Variants in RTL4 observed in about 807,000 individuals in gnomAD.
The protein encoded by RTL4 is retrotransposon Gag-like protein 4.
A neutral mutation model predicts 5.3 loss-of-function variants in RTL4; 4 were observed. The ratio of observed to expected loss-of-function variants is 0.75; its 90% CI spans 0.37 to 1.72. The LOEUF (loss-of-function observed/expected upper bound fraction) is 1.72, where lower values mean the gene tolerates loss of function less well. Ranked by LOEUF, RTL4 falls within the 40% of genes most tolerant of loss-of-function variation. The pLI is 0.04. For missense variants in RTL4, 260 were observed against 227.1 expected, an observed-to-expected ratio of 1.14 and a Z score of -0.93; for synonymous variants, 98 against 87.3, an observed-to-expected ratio of 1.12 and a Z score of -0.68.
the RTL4 span, among the ~76,000 whole-genome samples, chrX:112,190,000 A>T: frequency 3.6e-5 from 4 of 112,091 alleles, no homozygotes; most frequent in Non-Finnish European, 7.5e-5. Context: ...TCATTTATTG[A>T]GGAATTTTCA....
At chrX:112,236,883 T>A in the RTL4 span, among the ~76,000 whole-genome samples, 1 of 111,254 alleles carries the variant, frequency 9.0e-6, no homozygotes, top group Non-Finnish European at 1.9e-5. Context: ...TCCTGGATAA[T>A]CTGGATGGGA....
chrX:112,221,017 C>A, the RTL4 span, among the ~76,000 whole-genome samples: 2 of 112,006 alleles, frequency 1.8e-5, no homozygotes, highest in East Asian at 5.6e-4. Context: ...CTCTCAGTAC[C>A]AATTTTCTTT....
At chrX:112,315,627 G>A in the RTL4 span, among the ~76,000 whole-genome samples, 1 of 111,170 alleles carries the variant, frequency 9.0e-6, no homozygotes, top group Non-Finnish European at 1.9e-5. Flanking sequence ...CTTTTGATTT[G>A]AATGTGTTAT....
chrX:112,140,186 G>T, the RTL4 span, among the ~76,000 whole-genome samples: 1 of 111,456 alleles, frequency 9.0e-6, no homozygotes, highest in Non-Finnish European at 1.9e-5. Flanking sequence ...CCCATGTTTT[G>T]TTTTTTTAAG....
At chrX:112,430,824 C>T in the RTL4 span, among the ~76,000 whole-genome samples, 2 of 112,082 alleles carry the variant, frequency 1.8e-5, no homozygotes, top group Non-Finnish European at 3.8e-5. Flanking sequence ...AACTTCTGGA[C>T]TCAAACAATC....
At chrX:112,242,490 C>A in the RTL4 span, among the ~76,000 whole-genome samples, 1 of 111,385 alleles carries the variant, frequency 9.0e-6, no homozygotes, top group Non-Finnish European at 1.9e-5. Context: ...TAATTTGGCA[C>A]TCTGTTTGTC....
the RTL4 span, among the ~76,000 whole-genome samples, chrX:112,367,328 C>A: frequency 9.0e-6 from 1 of 111,003 alleles, no homozygotes; most frequent in East Asian, 2.9e-4. Context: ...TAAAAAGAAC[C>A]AAGAAAAGAA....
the RTL4 span, among the ~76,000 whole-genome samples, chrX:112,352,451 CA>C: frequency 9.0e-6 from 1 of 111,521 alleles, no homozygotes; most frequent in Non-Finnish European, 1.9e-5. Context: ...CTACAGTAAC[CA>C]AAACAGGATG....
the RTL4 span, among the ~76,000 whole-genome samples, chrX:112,237,256 T>C: frequency 8.9e-6 from 1 of 112,220 alleles, no homozygotes; most frequent in African/African-American, 3.2e-5. Flanking sequence ...TCAGAAGAAT[T>C]CACATTAGAG....
chrX:112,092,923 T>A, the RTL4 span, among the ~76,000 whole-genome samples: 3 of 111,398 alleles, frequency 2.7e-5, no homozygotes, highest in Non-Finnish European at 5.7e-5. Flanking sequence ...TATGTCTTTA[T>A]CAGCAGCGTG....
At chrX:112,454,736 A>G (rs1325680573) in exon 1 of RTL4, 3 of 1,180,229 alleles carry the variant, frequency 2.5e-6, no homozygotes, top group Non-Finnish European at 3.4e-6. Flanking sequence ...ATAATGGAGA[A>G]GTGCACGAAA....
the RTL4 span, among the ~76,000 whole-genome samples, chrX:112,293,055 G>A: frequency 8.9e-6 from 1 of 111,894 alleles, no homozygotes; most frequent in Non-Finnish European, 1.9e-5. Flanking sequence ...AGAATCAAAA[G>A]ACCAACCAAT....
the RTL4 span, among the ~76,000 whole-genome samples, chrX:112,367,652 C>T: frequency 1.1e-4 from 12 of 111,844 alleles, no homozygotes; most frequent in East Asian, 3.1e-3. Context: ...TTAAGCACTC[C>T]ACTATATGCC....
At chrX:112,299,612 C>A in the RTL4 span, among the ~76,000 whole-genome samples, 4 of 111,781 alleles carry the variant, frequency 3.6e-5, no homozygotes, top group Non-Finnish European at 7.5e-5. Context: ...GAGCAAGAAT[C>A]AAAAGCCTTG....
At chrX:112,449,311 G>A in the RTL4 span, among the ~76,000 whole-genome samples, 2 of 111,582 alleles carry the variant, frequency 1.8e-5, no homozygotes, top group South Asian at 7.6e-4. Flanking sequence ...CATGTGATGT[G>A]CCTGAGACAG....
chrX:112,159,151 C>T, the RTL4 span, among the ~76,000 whole-genome samples: 17 of 111,939 alleles, frequency 1.5e-4, no homozygotes, highest in Non-Finnish European at 3.0e-4. Context: ...TTTTTCTGCC[C>T]ATTTCTCCAT....
the RTL4 span, among the ~76,000 whole-genome samples, chrX:112,351,560 G>A: frequency 2.2e-4 from 24 of 107,392 alleles, no homozygotes; most frequent in Non-Finnish European, 4.6e-4. Context: ...CCTGTATTGG[G>A]TGCATATATA....
the RTL4 span, among the ~76,000 whole-genome samples, chrX:112,412,924 C>T: frequency 1.8e-5 from 2 of 109,334 alleles, no homozygotes; most frequent in African/African-American, 6.7e-5. Flanking sequence ...AGACAACCCA[C>T]ATAATAGGAG....
chrX:112,220,915 C>T, the RTL4 span, among the ~76,000 whole-genome samples: 1 of 112,123 alleles, frequency 8.9e-6, no homozygotes, highest in African/African-American at 3.2e-5. Context: ...TTCCAGTCTT[C>T]TTTTGAGCCC....
Sources: allele counts gnomAD v4.1 joint callset (sites outside exome capture counted in the v4.1 genomes callset), GRCh38; gene constraint gnomAD v4.1.1; transcripts MANE v1.5; gene names NCBI Gene and HGNC (gene_info 2026-07-23, HGNC 2026-07-21).